The following CAMK4 variants were observed in gnomAD, a reference collection of about 807,000 sequenced individuals.
CAMK4 encodes calcium/calmodulin-dependent protein kinase type IV.
Under a neutral mutation model 44.9 loss-of-function variants are expected in CAMK4, and 22 were observed. The ratio of observed to expected loss-of-function variants is 0.49; its 90% CI spans 0.35 to 0.70. The LOEUF (loss-of-function observed/expected upper bound fraction) is 0.70, where lower values mean the gene tolerates loss of function less well. CAMK4 is among the 30% of genes least tolerant of loss of function. CAMK4 has a pLI of 0.01. For missense variants in CAMK4, 498 were observed against 586.8 expected (o/e 0.85, Z 1.56); for synonymous variants, 218 against 215.4 (o/e 1.01, Z -0.11).
In CAMK4 at chr5:111,484,355, A is replaced by G; in HGVS notation, c.1311A>G (p.Ala437=). Residue 437 remains alanine, a synonymous_variant, in exon 11 of 11, where the codon GCA becomes GCG. Coordinates refer to ENST00000282356, the MANE Select transcript of CAMK4 (RefSeq NM_001744.6). The surrounding 1 kb of genome is among the most constrained non-coding windows in gnomAD (Gnocchi z 5.3). ...ACCTGGAACTAGAGGAGGGCCTAGC[A>G]GAGGAGAAGCTGAAGACTGTGGAGG... is the stretch of plus-strand genomic sequence containing the variant. ...VADLELEEGL[A]EEKLKTVEEA... is the part of the protein sequence containing the mutation. The G allele has an allele frequency of 6.2e-7, 1 of 1,612,546 alleles. No individual in the cohort carries two copies. Among genetic ancestry groups the G allele is most frequent in the Non-Finnish European group, 8.5e-7 (1 of 1,179,374 alleles).
chr5:111,255,669 A>G (rs548997025), intron 1 of CAMK4, among the ~76,000 whole-genome samples: 34 of 152,326 alleles, frequency 2.2e-4, no homozygotes, highest in African/African-American at 7.2e-4. Flanking sequence ...GTGTGTTTGC[A>G]TACCCGAAGC....
chr5:111,341,936 C>T (rs1432877361), intron 1 of CAMK4, among the ~76,000 whole-genome samples: 1 of 151,414 alleles, frequency 6.6e-6, no homozygotes, highest in Non-Finnish European at 1.5e-5. Flanking sequence ...ATTTCGTTTG[C>T]AACTTTAGCT....
intron 3 of CAMK4, among the ~76,000 whole-genome samples, chr5:111,375,962 C>G (rs990968836): frequency 6.6e-6 from 1 of 152,006 alleles, no homozygotes; most frequent in Admixed American, 6.6e-5. Context: ...GTGGAAGTCT[C>G]TTCAAATTTT....
chr5:111,423,066 A>T (rs1274709198), intron 5 of CAMK4, among the ~76,000 whole-genome samples: 1 of 152,212 alleles, frequency 6.6e-6, no homozygotes, highest in African/African-American at 2.4e-5. Context: ...CTAATTATTT[A>T]CAAAATCTTG....
chr5:111,418,392 T>A (rs1394563695), intron 5 of CAMK4, among the ~76,000 whole-genome samples: 1 of 152,076 alleles, frequency 6.6e-6, no homozygotes, highest in Non-Finnish European at 1.5e-5. Context: ...TTAAAATTGC[T>A]AATGAAGTTT....
intron 1 of CAMK4, among the ~76,000 whole-genome samples, chr5:111,272,312 C>T (rs1308945914): frequency 6.6e-6 from 1 of 151,942 alleles, no homozygotes; most frequent in Non-Finnish European, 1.5e-5. Context: ...TTCTTTTTTC[C>T]ATTGTCTCTC....
At chr5:111,430,427 ACT>A (rs1456269720) in intron 5 of CAMK4, among the ~76,000 whole-genome samples, 2 of 152,186 alleles carry the variant, frequency 1.3e-5, no homozygotes, top group Non-Finnish European at 2.9e-5. Context: ...CGCTGTCACC[ACT>A]GTTATTTAAC....
chr5:111,370,220 G>T (rs1000797662), intron 2 of CAMK4, among the ~76,000 whole-genome samples: 1 of 152,110 alleles, frequency 6.6e-6, no homozygotes, highest in Non-Finnish European at 1.5e-5. Context: ...CAGACTTTTT[G>T]CAGTCTGGCC....
In CAMK4 at chr5:111,429,824, C is replaced by G. The variant is rs1182883641; in HGVS notation, c.460-16862C>G. Reference sequence around the variant, plus strand: ...AAAAAAAAAAGCCGTAATAAAAAACCTCCTAGTAAAGAAAAGCCCAGGACC... The same window carrying G: ...AAAAAAAAAAGCCGTAATAAAAAACGTCCTAGTAAAGAAAAGCCCAGGACC... On this transcript the variant is annotated intron_variant, in intron 5 of 10. Coordinates refer to ENST00000282356, the MANE Select transcript of CAMK4 (RefSeq NM_001744.6). Among the ~76,000 whole-genome samples the G allele has an allele frequency of 3.4e-5, 3 of 87,118 alleles. No individual in the cohort carries two copies. In the South Asian group the frequency reaches 1.5e-3, roughly 42 times the overall value. The allele number at this position is 87,118 out of a possible 152,430, so 57.2% of individuals were successfully genotyped here. A position where few individuals can be genotyped will look rare whatever the true frequency, so the allele number is the denominator to read the frequency against.
At chr5:111,353,566 C>A (rs545311009) in intron 2 of CAMK4, among the ~76,000 whole-genome samples, 1 of 152,166 alleles carries the variant, frequency 6.6e-6, no homozygotes, top group Admixed American at 6.6e-5. Flanking sequence ...GTAAAATTGT[C>A]TCTGTAGATT....
intron 1 of CAMK4, among the ~76,000 whole-genome samples, chr5:111,317,898 T>TAAAAAAAAAA (rs3066636): frequency 7.2e-4 from 50 of 69,804 alleles, no homozygotes; most frequent in African/African-American, 1.8e-3. Context: ...GAGTAATATG[T>TAAAAAAAAAA]AAAAAAAAAA....
At chr5:111,242,328 G>T (rs1173028082) in intron 1 of CAMK4, among the ~76,000 whole-genome samples, 1 of 152,112 alleles carries the variant, frequency 6.6e-6, no homozygotes, top group Non-Finnish European at 1.5e-5. Context: ...TTATTATGAA[G>T]ATTAAATGAA....
intron 7 of CAMK4, among the ~76,000 whole-genome samples, chr5:111,457,800 A>C (rs1754472571): frequency 6.6e-6 from 1 of 152,266 alleles, no homozygotes; most frequent in Non-Finnish European, 1.5e-5. Flanking sequence ...TAAATAGCTT[A>C]AGTGAAATAA....
chr5:111,398,402 T>A (rs1033978801), intron 5 of CAMK4, among the ~76,000 whole-genome samples: 5 of 152,128 alleles, frequency 3.3e-5, no homozygotes, highest in Non-Finnish European at 5.9e-5. Flanking sequence ...AGACAATAGT[T>A]TCTTTTGAAC....
intron 1 of CAMK4, among the ~76,000 whole-genome samples, chr5:111,343,261 G>A (rs1292571765): frequency 6.6e-6 from 1 of 151,670 alleles, no homozygotes; most frequent in African/African-American, 2.4e-5. Context: ...CCATGGGACC[G>A]AGTATAAGAG....
chr5:111,413,519 G>C (rs1418128665), intron 5 of CAMK4, among the ~76,000 whole-genome samples: 3 of 151,622 alleles, frequency 2.0e-5, no homozygotes, highest in African/African-American at 7.3e-5. Context: ...GGAGGTTGCA[G>C]TGAGCCAAGA....
chr5:111,480,924 T>G (rs1214887927), intron 9 of CAMK4, among the ~76,000 whole-genome samples: 1 of 152,188 alleles, frequency 6.6e-6, no homozygotes, highest in Non-Finnish European at 1.5e-5. Context: ...ACTTCAGAAC[T>G]GGAAGAATCC....
At chr5:111,357,224 G>A (rs573300134) in intron 2 of CAMK4, among the ~76,000 whole-genome samples, 2 of 152,230 alleles carry the variant, frequency 1.3e-5, no homozygotes, top group Non-Finnish European at 2.9e-5. Context: ...GGTAGAAGCA[G>A]GAGTTTAAGA....
At chr5:111,389,760 A>G (rs150095575) in intron 4 of CAMK4, among the ~76,000 whole-genome samples, 57 of 152,338 alleles carry the variant, frequency 3.7e-4, no homozygotes, top group African/African-American at 1.3e-3. Context: ...TTTAACAGCT[A>G]TTCTTCTCCA....
Sources: allele counts gnomAD v4.1 joint callset (sites outside exome capture counted in the v4.1 genomes callset), GRCh38; gene constraint gnomAD v4.1.1; non-coding constraint Gnocchi (gnomAD v3.1); transcripts MANE v1.5; gene names NCBI Gene and HGNC (gene_info 2026-07-23, HGNC 2026-07-21).